Variants in VPS13A observed in about 807,000 individuals in gnomAD.
VPS13A encodes the protein vacuolar protein sorting 13 homolog A, also known as intermembrane lipid transfer protein VPS13A.
A neutral mutation model predicts 390.9 loss-of-function variants in VPS13A; 264 were observed. That is an observed-to-expected ratio of 0.68 (90% confidence interval 0.61 to 0.75). The LOEUF (loss-of-function observed/expected upper bound fraction) is 0.75. VPS13A is among the 30% of genes least tolerant of loss of function. The probability of loss-of-function intolerance (pLI) is 0.00; values close to 1 mark genes in which losing one functional copy is unlikely to be tolerated. For synonymous variants in VPS13A, 1,231 were observed against 1,227.1 expected, an observed-to-expected ratio of 1.00 and a Z score of -0.07; for missense variants, 3,409 against 3,733.9, an observed-to-expected ratio of 0.91 and a Z score of 2.27.
At chr9:77,365,612 G>T in intron 60 of VPS13A, 39 bp downstream of exon 60, 1 of 1,288,078 alleles carries the variant, frequency 7.8e-7, no homozygotes, top group South Asian at 1.2e-5. Context: ...GATAATCTAG[G>T]TAATAGCAAA....
chr9:77,344,402 C>T (rs1587626663), intron 51 of VPS13A, 121 bp downstream of exon 51: 17 of 1,104,224 alleles, frequency 1.5e-5, no homozygotes, highest in East Asian at 1.0e-4. Context: ...TCCCCAAAAA[C>T]GAACAAACAT....
chr9:77,294,420 A>C (rs187119880), intron 32 of VPS13A, among the ~76,000 whole-genome samples: 50 of 152,018 alleles, frequency 3.3e-4, no homozygotes, highest in Middle Eastern at 6.8e-3. Context: ...CCATAACATC[A>C]CTATTCATTC....
chr9:77,409,904 A>G (rs1834832956), intron 71 of VPS13A, among the ~76,000 whole-genome samples: 1 of 151,430 alleles, frequency 6.6e-6, no homozygotes, highest in Non-Finnish European at 1.5e-5. Flanking sequence ...TCCCCAATCT[A>G]GCAAGGCAGG....
chr9:77,347,646 T>G (rs1427431004), intron 52 of VPS13A, among the ~76,000 whole-genome samples: 1 of 152,170 alleles, frequency 6.6e-6, no homozygotes, highest in Non-Finnish European at 1.5e-5. Context: ...CTAACTACAT[T>G]TGAGTAGATT....
chr9:77,213,449 G>T, intron 9 of VPS13A, 135 bp downstream of exon 9: 1 of 703,614 alleles, frequency 1.4e-6, no homozygotes, highest in Non-Finnish European at 2.5e-6. Context: ...ACAGATACAG[G>T]TGAAGATGTG....
intron 1 of VPS13A, among the ~76,000 whole-genome samples, chr9:77,182,751 AT>A (rs897395392): frequency 3.3e-5 from 5 of 151,650 alleles, no homozygotes; most frequent in East Asian, 1.9e-4. Flanking sequence ...CAAATTTGTA[AT>A]TTTTTTTTGA....
At chr9:77,377,207 T>TG (rs1563974525) in intron 67 of VPS13A, among the ~76,000 whole-genome samples, 4 of 102,974 alleles carry the variant, frequency 3.9e-5, no homozygotes. Context: ...GATGCTGTTT[T>TG]TTTTTTTTTT....
rs1175587880 is a variant in VPS13A at position 77,339,989 on chromosome 9, A to T, written c.6774+78A>T. The T allele has an allele frequency of 2.0e-6, 3 of 1,517,412 alleles. No homozygotes were observed. The Admixed American group carries it at 5.6e-5, about 28-fold the overall frequency. The allele number at this position is 1,517,412 out of a possible 1,614,324, so 94.0% of individuals were successfully genotyped here. ...TAGTTTTTAAAGTTCTGAGTAATAAATATTATGAAACTTGGATAGAAATAA... is the reference window on the plus strand; with the variant it reads ...TAGTTTTTAAAGTTCTGAGTAATAATTATTATGAAACTTGGATAGAAATAA... On this transcript the variant is annotated intron_variant, in intron 48 of 71. Transcript: ENST00000360280.
chr9:77,396,097 C>A (rs562534636), intron 68 of VPS13A, among the ~76,000 whole-genome samples: 2,330 of 152,220 alleles, frequency 0.015, 54 homozygotes, highest in African/African-American at 0.053. Context: ...CCTACATTAC[C>A]CTTGATGCTC....
chr9:77,250,664 C>T (rs1825104099), intron 21 of VPS13A, among the ~76,000 whole-genome samples: 1 of 152,136 alleles, frequency 6.6e-6, no homozygotes, highest in African/African-American at 2.4e-5. Flanking sequence ...AGACATTGCT[C>T]AGGGCCAGAA....
intron 52 of VPS13A, among the ~76,000 whole-genome samples, chr9:77,345,726 T>G (rs1831112010): frequency 6.6e-6 from 1 of 152,174 alleles, no homozygotes; most frequent in African/African-American, 2.4e-5. Flanking sequence ...TTTCTTTCTT[T>G]CTTTTCACCT....
intron 45 of VPS13A, among the ~76,000 whole-genome samples, chr9:77,331,046 A>G (rs1830250958): frequency 6.6e-6 from 1 of 152,158 alleles, no homozygotes; most frequent in South Asian, 2.1e-4. Flanking sequence ...ACTGATATAT[A>G]GGTCATTATT....
intron 45 of VPS13A, among the ~76,000 whole-genome samples, chr9:77,326,960 C>G (rs539654564): frequency 6.6e-6 from 1 of 152,158 alleles, no homozygotes; most frequent in Non-Finnish European, 1.5e-5. Context: ...CCATGCAGGT[C>G]TCTCCCCTCA....
At chr9:77,280,944 C>T (rs1826984980) in intron 27 of VPS13A, among the ~76,000 whole-genome samples, 1 of 151,968 alleles carries the variant, frequency 6.6e-6, no homozygotes, top group Non-Finnish European at 1.5e-5. Context: ...AAACACTATT[C>T]AGCTTTAAAA....
intron 26 of VPS13A, among the ~76,000 whole-genome samples, chr9:77,277,841 C>A (rs941054698): frequency 2.0e-5 from 3 of 151,966 alleles, no homozygotes; most frequent in Admixed American, 2.0e-4. Context: ...TTGGTTGCTT[C>A]CACGGTTTGG....
chr9:77,395,117 C>CTG (rs1164181504), intron 68 of VPS13A, among the ~76,000 whole-genome samples: 1 of 152,180 alleles, frequency 6.6e-6, no homozygotes, highest in African/African-American at 2.4e-5. Context: ...ACAAGAGGTA[C>CTG]TACCTTTCAG....
Position 77,407,533 on chromosome 9 carries a change from G to A in VPS13A, c.9400G>A (p.Glu3134Lys). ...HGRRLRIEAK[E>K]RVKSVFHARE... ...ATGAATTTACATATTCTGTTTATAG[G>A]AACGAGTGAAGTCTGTATTTCATGC... Residue 3134 changes from glutamate (E) to lysine (K), a missense_variant and splice_region_variant, in exon 71 of 72, where the codon GAA (glutamate) becomes AAA (lysine). Around this residue, in one of 5 missense-constraint regions of VPS13A, gnomAD observed 318 missense variants for 333.7 expected, o/e 0.95. Coordinates refer to ENST00000360280, the MANE Select transcript of VPS13A (RefSeq NM_033305.3). The A allele has an allele frequency of 6.2e-7, 1 of 1,610,972 alleles. No homozygotes were observed. Among genetic ancestry groups the A allele is most frequent in the South Asian group, 1.1e-5 (1 of 90,964 alleles).
At chr9:77,205,102 C>T (rs2131122037) in intron 3 of VPS13A, among the ~76,000 whole-genome samples, 1 of 152,206 alleles carries the variant, frequency 6.6e-6, no homozygotes, top group South Asian at 2.1e-4. Flanking sequence ...GGTTTTCCAA[C>T]AGTACTGATA....
chr9:77,324,318 G>A (rs893934110), intron 45 of VPS13A, among the ~76,000 whole-genome samples: 1 of 152,036 alleles, frequency 6.6e-6, no homozygotes, highest in Non-Finnish European at 1.5e-5. Flanking sequence ...AATACAATTC[G>A]AGTAGAAGTG....
Sources: gnomAD v4.1 joint callset for allele counts (sites outside exome capture counted in the v4.1 genomes callset) on GRCh38, gnomAD v4.1.1 for gene constraint, gnomAD v4.1.1 regional missense constraint, MANE v1.5 for transcripts, NCBI Gene and HGNC (gene_info 2026-07-23, HGNC 2026-07-21) for gene names.